Variants in PIWIL4 observed in about 807,000 individuals in gnomAD.
PIWIL4 encodes the protein piwi like RNA-mediated gene silencing 4, also known as piwi-like protein 4.
In PIWIL4, 50 loss-of-function variants were observed where a neutral mutation model predicts 100.9. The ratio of observed to expected loss-of-function variants is 0.50; its 90% CI spans 0.39 to 0.63. The LOEUF (loss-of-function observed/expected upper bound fraction) is 0.63. Ranked by LOEUF, PIWIL4 falls within the 20% of genes least tolerant of loss-of-function variation. The pLI is 0.00. For synonymous variants in PIWIL4, 342 were observed against 367.5 expected (o/e 0.93, Z 0.79); for missense variants, 887 against 1,043.3 (o/e 0.85, Z 2.06).
At chr11:94,595,913 G>T (rs1948552051) in intron 10 of PIWIL4, among the ~76,000 whole-genome samples, 1 of 152,136 alleles carries the variant, frequency 6.6e-6, no homozygotes, top group African/African-American at 2.4e-5. Context: ...CTGATTATCA[G>T]ACTATGTTTC....
intron 2 of PIWIL4, among the ~76,000 whole-genome samples, chr11:94,569,245 T>C (rs944095726): frequency 2.0e-5 from 3 of 152,068 alleles, no homozygotes; most frequent in African/African-American, 7.2e-5. Context: ...TAAGCATCCA[T>C]CGATGGATAA....
chr11:94,598,531 A>G (rs994697479), intron 11 of PIWIL4, among the ~76,000 whole-genome samples: 19 of 152,064 alleles, frequency 1.2e-4, no homozygotes, highest in Admixed American at 1.2e-3. Flanking sequence ...CGCAAAAATT[A>G]TACATTATCT....
At position 94,620,155 on chromosome 11, in the gene PIWIL4, G is replaced by T. The variant is rs1239305832; in HGVS notation, c.2442+11G>T. On this transcript the variant is annotated intron_variant, in intron 19 of 19. Coordinates refer to ENST00000299001, the MANE Select transcript of PIWIL4 (RefSeq NM_152431.3). ...TACTACAACTGGCCGGTGAGTGAAA[G>T]CTGTTTACTTAATGTAAATATGATA... 1 of 1,568,196 alleles carries T rather than the reference G, an allele frequency of 6.4e-7. No homozygotes were observed. The highest frequency in any genetic ancestry group is 8.6e-7 in the Non-Finnish European group (1 of 1,159,270).
chr11:94,611,414 A>G lies in PIWIL4; in HGVS notation c.1943+2728A>G, dbSNP rs144662921. The stretch of plus-strand genomic sequence containing the variant: ...TTGCCATAAACTTCCATCTTAAACT[A>G]CTTTTGCTGCATCCCATAAGTTTTA... On this transcript the variant is annotated intron_variant, in intron 15 of 19. Coordinates refer to ENST00000299001, the MANE Select transcript of PIWIL4 (RefSeq NM_152431.3). Among the ~76,000 whole-genome samples the G allele has an allele frequency of 4.6e-5, 7 of 152,022 alleles. No individual in the cohort carries two copies. The East Asian group carries it at 1.4e-3, about 29-fold the overall frequency.
chr11:94,599,542 T>G (rs1227388520), intron 11 of PIWIL4, among the ~76,000 whole-genome samples: 5 of 152,216 alleles, frequency 3.3e-5, no homozygotes, highest in Admixed American at 3.3e-4. Flanking sequence ...GCTCTCCTCA[T>G]GCCCTAATGG....
At chr11:94,578,329 C>T (rs369804007) in intron 4 of PIWIL4, among the ~76,000 whole-genome samples, 4 of 152,258 alleles carry the variant, frequency 2.6e-5, no homozygotes, top group East Asian at 1.9e-4. Context: ...ATTTGGCAAG[C>T]GTTGAATGGA....
rs1565273876 is a variant in PIWIL4 at position 94,587,030 on chromosome 11, TTTC to T, written c.717-17_717-15del. ...GTATAACATTGACAATATTCCTTTT[TTTC>T]TTTTTTGTTTTTAAAGATTATCCCT... On this transcript the variant is annotated splice_polypyrimidine_tract_variant and intron_variant, in intron 6 of 19. Transcript: ENST00000299001. The T allele has an allele frequency of 6.4e-7, 1 of 1,571,306 alleles. No individual in the cohort carries two copies. The highest frequency in any genetic ancestry group is 1.1e-5 in the South Asian group (1 of 89,004).
In PIWIL4 at chr11:94,593,725, C is replaced by T. The variant is rs1420818947; in HGVS notation, c.1150+84C>T. ...CAGTGGGCAGACCCTCTTTAAGTTACATGAATGCCAGGACATCGATTTAAC... is the reference window on the plus strand; with the variant it reads ...CAGTGGGCAGACCCTCTTTAAGTTATATGAATGCCAGGACATCGATTTAAC... On this transcript the variant is annotated intron_variant, in intron 9 of 19. Coordinates refer to ENST00000299001, the MANE Select transcript of PIWIL4 (RefSeq NM_152431.3). 12 of 1,450,428 alleles carry T rather than the reference C, an allele frequency of 8.3e-6. No individual in the cohort carries two copies. The East Asian group carries it at 2.3e-4, about 28-fold the overall frequency. The allele number at this position is 1,450,428 out of a possible 1,614,324, so 89.8% of individuals were successfully genotyped here. A position where few individuals can be genotyped will look rare whatever the true frequency, so the allele number is the denominator to read the frequency against.
At chr11:94,586,119 A>G (rs7102518) in intron 6 of PIWIL4, among the ~76,000 whole-genome samples, 77,087 of 151,082 alleles carry the variant, frequency 0.51, 21,760 homozygotes, top group African/African-American at 0.77. Context: ...AAATGGGAGT[A>G]GGGTGTTTGG....
Position 94,601,876 on chromosome 11 carries a change from T to C in PIWIL4, c.1462T>C (p.Leu488=). Residue 488 remains leucine (L), a synonymous_variant, in exon 12 of 20, where the codon TTG becomes CTG. Coordinates refer to ENST00000299001, the MANE Select transcript of PIWIL4 (RefSeq NM_152431.3). ...ILNAQSLNTW[L]ILCSDRTEYV... Reference sequence around the variant, plus strand: ...AAATGCACAGTCTTTGAATACCTGGTTGATTTTATGTAGCGACAGAACTGA... The same window carrying C: ...AAATGCACAGTCTTTGAATACCTGGCTGATTTTATGTAGCGACAGAACTGA... 6.2e-7 allele frequency: 1 copy of C among 1,614,188 alleles called. No individual in the cohort carries two copies. The highest frequency in any genetic ancestry group is 8.5e-7 in the Non-Finnish European group (1 of 1,180,004).
intron 1 of PIWIL4, chr11:94,567,837 T>C: frequency 8.9e-7 from 1 of 1,129,064 alleles, no homozygotes; most frequent in Non-Finnish European, 1.1e-6. Flanking sequence ...GACTGAAGAT[T>C]GGGGACAAAT....
At chr11:94,619,411 G>C (rs1948881115) in intron 17 of PIWIL4, among the ~76,000 whole-genome samples, 1 of 152,138 alleles carries the variant, frequency 6.6e-6, no homozygotes, top group South Asian at 2.1e-4. Context: ...GGGAAAATAG[G>C]TTGAGTCACT....
Position 94,614,931 on chromosome 11 carries a change from C to G in PIWIL4, c.1944-1562C>G, listed in dbSNP as rs550554558. Among the ~76,000 whole-genome samples the G allele has an allele frequency of 2.2e-4, 34 of 152,280 alleles. No homozygotes were observed. The East Asian group carries it at 5.2e-3, about 23-fold the overall frequency. Reference sequence around the variant, plus strand: ...CTCATTTTGTGTACCTTCTCCAAATCCTGAAGAGTCAAGCTATCTGTTTGT... The same window carrying G: ...CTCATTTTGTGTACCTTCTCCAAATGCTGAAGAGTCAAGCTATCTGTTTGT... On this transcript the variant is annotated intron_variant, in intron 15 of 19. Transcript: ENST00000299001.
In PIWIL4 at chr11:94,621,373, G is replaced by C. The variant is rs1948902949; in HGVS notation, c.*381G>C. ...GCTGAGGTTTTCTTAATGTTGTAGA[G>C]CATTTTGTAGAGTGGTTTAAATAGT... On this transcript the variant is annotated 3_prime_UTR_variant, in exon 20 of 20. Coordinates refer to ENST00000299001, the MANE Select transcript of PIWIL4 (RefSeq NM_152431.3). 1 of 177,752 alleles carries C rather than the reference G, an allele frequency of 5.6e-6. No homozygotes were observed. The highest frequency in any genetic ancestry group is 1.2e-5 in the Non-Finnish European group (1 of 84,482). 11.0% of individuals were successfully genotyped at this position (177,752 alleles called of 1,614,324 possible). A position where few individuals can be genotyped will look rare whatever the true frequency, so the allele number is the denominator to read the frequency against.
At chr11:94,595,797 T>C (rs1948549602) in intron 10 of PIWIL4, among the ~76,000 whole-genome samples, 1 of 152,248 alleles carries the variant, frequency 6.6e-6, no homozygotes, top group Non-Finnish European at 1.5e-5. Flanking sequence ...GGGTCAGGAA[T>C]GCTCAGCTCT....
chr11:94,570,684 A>G (rs763461362), intron 2 of PIWIL4, among the ~76,000 whole-genome samples: 3 of 152,118 alleles, frequency 2.0e-5, no homozygotes, highest in Non-Finnish European at 1.5e-5. Context: ...TGAGGTCAGG[A>G]GTTCGAGACC....
At chr11:94,620,804 G>C in intron 19 of PIWIL4, 72 bp from the exon 20 acceptor site, 1 of 1,206,048 alleles carries the variant, frequency 8.3e-7, no homozygotes, top group East Asian at 2.4e-5. Context: ...AGTAGACAAA[G>C]TAAAATCAGA....
chr11:94,605,045 T>A (rs1948696738), intron 13 of PIWIL4, among the ~76,000 whole-genome samples: 1 of 152,238 alleles, frequency 6.6e-6, no homozygotes, highest in African/African-American at 2.4e-5. Flanking sequence ...CTTTATTATT[T>A]TCTATCTTTT....
intron 19 of PIWIL4, among the ~76,000 whole-genome samples, chr11:94,620,423 T>C (rs187321961): frequency 3.7e-4 from 56 of 152,312 alleles, no homozygotes; most frequent in Admixed American, 1.4e-3. Flanking sequence ...TATGCAAACC[T>C]GGGAGGAAAT....
Sources: allele counts gnomAD v4.1 joint callset (sites outside exome capture counted in the v4.1 genomes callset), GRCh38; gene constraint gnomAD v4.1.1; transcripts MANE v1.5; gene names NCBI Gene and HGNC (gene_info 2026-07-23, HGNC 2026-07-21).